ACOXL: variants seen among roughly 807,000 people sequenced by gnomAD.
The protein encoded by ACOXL is acyl-coenzyme A oxidase-like protein.
Under a neutral mutation model 71.9 loss-of-function variants are expected in ACOXL, and 70 were observed. That is an observed-to-expected ratio of 0.97 (90% confidence interval 0.80 to 1.19). ACOXL has a LOEUF of 1.19. ACOXL is among the 50% of genes most tolerant of loss of function. ACOXL has a pLI of 0.00. For synonymous variants in ACOXL, 253 were observed against 281.6 expected, an observed-to-expected ratio of 0.90 and a Z score of 1.02; for missense variants, 703 against 736.3, an observed-to-expected ratio of 0.95 and a Z score of 0.52.
intron 15 of ACOXL, among the ~76,000 whole-genome samples, chr2:111,039,130 A>G (rs533734053): frequency 2.4e-4 from 37 of 152,360 alleles, no homozygotes; most frequent in African/African-American, 8.9e-4. Flanking sequence ...TTTAGAAACC[A>G]AAAGTGTCAA....
chr2:110,854,546 G>T (rs1693014263), intron 10 of ACOXL, among the ~76,000 whole-genome samples: 1 of 152,200 alleles, frequency 6.6e-6, no homozygotes, highest in South Asian at 2.1e-4. Context: ...ACCAGCAGGG[G>T]GATAAAGTGC....
intron 9 of ACOXL, among the ~76,000 whole-genome samples, chr2:110,811,727 GCATACACACA>G (rs1224537386): frequency 5.0e-3 from 146 of 29,334 alleles, no homozygotes; most frequent in East Asian, 0.014. Flanking sequence ...TGTTTTTTTT[GCATACACACA>G]CACACACACA....
intron 16 of ACOXL, among the ~76,000 whole-genome samples, chr2:111,054,288 T>G (rs900456416): frequency 6.6e-6 from 1 of 152,218 alleles, no homozygotes; most frequent in Non-Finnish European, 1.5e-5. Context: ...GGCAGGGCTG[T>G]CACGCACCAG....
chr2:110,787,726 C>T (rs931067620), intron 3 of ACOXL, among the ~76,000 whole-genome samples: 8 of 151,950 alleles, frequency 5.3e-5, no homozygotes, highest in African/African-American at 1.9e-4. Context: ...TTCCTTTTAC[C>T]CACCTTTGGA....
intron 1 of ACOXL, among the ~76,000 whole-genome samples, chr2:110,762,426 T>TA (rs1680526064): frequency 6.6e-6 from 1 of 152,228 alleles, no homozygotes; most frequent in African/African-American, 2.4e-5. Flanking sequence ...TTTGTTTTCT[T>TA]ACCTTCCTGT....
chr2:110,873,130 G>T (rs555361674), intron 10 of ACOXL, among the ~76,000 whole-genome samples: 1 of 152,210 alleles, frequency 6.6e-6, no homozygotes, highest in African/African-American at 2.4e-5. Context: ...CCTGAAGAGG[G>T]TGACAAAACT....
rs189834909 is a variant in ACOXL, at chr2:110,788,538, A to T, written c.159+3723A>T. On this transcript the variant is annotated intron_variant, in intron 3 of 17. Coordinates refer to ENST00000439055, the MANE Select transcript of ACOXL (RefSeq NM_001142807.4). ...TACAGAGTTTTTTTTTGGGATGATGAAAAAGTTTTGGAAATAGTGGTGATG... is the reference window on the plus strand; with the variant it reads ...TACAGAGTTTTTTTTTGGGATGATGTAAAAGTTTTGGAAATAGTGGTGATG... Among the ~76,000 whole-genome samples, 213 of 152,288 alleles carry T rather than the reference A, an allele frequency of 1.4e-3. 2 individuals carry two copies. Among genetic ancestry groups the T allele is most frequent in the African/African-American group, 4.6e-3 (190 of 41,560 alleles).
At chr2:110,956,246 G>A (rs1186308810) in intron 12 of ACOXL, among the ~76,000 whole-genome samples, 1 of 152,066 alleles carries the variant, frequency 6.6e-6, no homozygotes, top group East Asian at 1.9e-4. Context: ...TTGTCCACCT[G>A]GCCAATGTCT....
In ACOXL at chr2:110,751,400, T is replaced by C. The variant is rs183828249; in HGVS notation, c.-22-16968T>C. On this transcript the variant is annotated intron_variant, in intron 1 of 17. Coordinates refer to ENST00000439055, the MANE Select transcript of ACOXL (RefSeq NM_001142807.4). ...CACTACCTAGATTCTGGCATTAACA[T>C]GCTACTATACTTGCTTTATCACGTA... is the stretch of plus-strand genomic sequence containing the variant. 1.1e-4 allele frequency among the ~76,000 whole-genome samples: 16 copies of C among 152,160 alleles called. 1 individual carries two copies. The highest frequency in any genetic ancestry group is 2.9e-5 in the Non-Finnish European group (2 of 67,998).
In ACOXL at chr2:110,785,491, G is replaced by A. The variant is rs373399254; in HGVS notation, c.159+676G>A. 2.3e-3 allele frequency among the ~76,000 whole-genome samples: 350 copies of A among 151,540 alleles called. 1 individual carries two copies. The highest frequency in any genetic ancestry group is 8.0e-3 in the African/African-American group (329 of 41,306). On this transcript the variant is annotated intron_variant, in intron 3 of 17. Coordinates refer to ENST00000439055, the MANE Select transcript of ACOXL (RefSeq NM_001142807.4). ...GTTCCATCATCAGAAAGAAACTTCC[G>A]GGTCCTACCCGGAAGTTTCATTTGG...
chr2:110,948,935 A>T (rs961161409), intron 12 of ACOXL, among the ~76,000 whole-genome samples: 8 of 147,500 alleles, frequency 5.4e-5, no homozygotes, highest in South Asian at 2.2e-4. Flanking sequence ...GTTTGTTTAA[A>T]TACCTCACAG....
chr2:110,967,810 G>A (rs796736361), intron 12 of ACOXL: 38 of 854,876 alleles, frequency 4.4e-5, no homozygotes, highest in Admixed American at 3.4e-4. Flanking sequence ...GTTGAGCCAC[G>A]GATGTGGGTC....
intron 10 of ACOXL, among the ~76,000 whole-genome samples, chr2:110,857,181 C>G (rs1693359040): frequency 6.6e-6 from 1 of 152,110 alleles, no homozygotes; most frequent in Non-Finnish European, 1.5e-5. Flanking sequence ...TCAGTTTTGT[C>G]TTTGACCGAC....
chr2:110,768,614 A>G, intron 2 of ACOXL, 150 bp downstream of exon 2: 6 of 702,348 alleles, frequency 8.5e-6, no homozygotes, highest in South Asian at 7.5e-5. Context: ...ATTGCGTGTT[A>G]TGGAGGTTTG....
At chr2:111,098,830 A>C (rs1574757519) in intron 17 of ACOXL, 2 of 152,336 alleles carry the variant, frequency 1.3e-5, no homozygotes, top group South Asian at 2.1e-4. Context: ...TAAATAAATA[A>C]AACTTTCCAG....
chr2:110,903,242 G>A (rs558779618), intron 10 of ACOXL, among the ~76,000 whole-genome samples: 6 of 152,362 alleles, frequency 3.9e-5, no homozygotes, highest in South Asian at 2.1e-4. Context: ...GGCGAATGGC[G>A]CGGCCCCCCC....
rs531974406 is a variant in ACOXL, at chr2:110,922,555, A to G, written c.906-10934A>G. Among the ~76,000 whole-genome samples, 47 of 152,362 alleles carry G rather than the reference A, an allele frequency of 3.1e-4. 1 individual carries two copies. The East Asian group carries it at 8.5e-3, about 27-fold the overall frequency. ...ATATATTCTACATTTATAAATATAT[A>G]TCTGTTTGTCATATATCTATGATAA... On this transcript the variant is annotated intron_variant, in intron 11 of 17. Transcript: ENST00000439055.
At chr2:110,767,971 CACACACACAA>C (rs1436790484) in intron 1 of ACOXL, among the ~76,000 whole-genome samples, 4 of 141,534 alleles carry the variant, frequency 2.8e-5, no homozygotes, top group Middle Eastern at 3.5e-3. Flanking sequence ...CACACACACA[CACACACACAA>C]ATTAGCTGGG....
At chr2:110,877,521 T>C in intron 10 of ACOXL, among the ~76,000 whole-genome samples, 1 of 152,222 alleles carries the variant, frequency 6.6e-6, no homozygotes, top group East Asian at 1.9e-4. Flanking sequence ...TTTCAAACAC[T>C]GTAGATACAG....
Sources: allele counts gnomAD v4.1 joint callset (sites outside exome capture counted in the v4.1 genomes callset), GRCh38; gene constraint gnomAD v4.1.1; transcripts MANE v1.5; gene names NCBI Gene and HGNC (gene_info 2026-07-23, HGNC 2026-07-21).